Variants in GRM7 observed in about 807,000 individuals in gnomAD.
GRM7 encodes glutamate metabotropic receptor 7.
Under a neutral mutation model 84.5 loss-of-function variants are expected in GRM7, and 35 were observed. The observed-to-expected ratio is 0.41, with a 90% CI of 0.32 to 0.55. The LOEUF (loss-of-function observed/expected upper bound fraction) is 0.55. GRM7 is among the 20% of genes least tolerant of loss of function. GRM7 has a pLI of 0.19. For missense variants in GRM7, 1,003 were observed against 1,194.6 expected (o/e 0.84, Z 2.36); for synonymous variants, 487 against 455.1 (o/e 1.07, Z -0.89).
At chr3:7,371,447 C>T (rs1035996685) in intron 4 of GRM7, among the ~76,000 whole-genome samples, 15 of 152,044 alleles carry the variant, frequency 9.9e-5, no homozygotes, top group African/African-American at 3.6e-4. Flanking sequence ...AGATGGTTTA[C>T]AAAACTTAGG....
At chr3:7,176,934 T>G (rs927440489) in intron 2 of GRM7, among the ~76,000 whole-genome samples, 2 of 152,230 alleles carry the variant, frequency 1.3e-5, no homozygotes, top group Admixed American at 1.3e-4. Context: ...TTAACCTTCA[T>G]GTGAAGCGGA....
intron 8 of GRM7, among the ~76,000 whole-genome samples, chr3:7,619,210 T>C (rs1472219185): frequency 6.6e-6 from 1 of 152,152 alleles, no homozygotes; most frequent in African/African-American, 2.4e-5. Flanking sequence ...GACAAGTTTC[T>C]CCTCTCTAGT....
At chr3:7,399,268 G>A (rs765188339) in intron 4 of GRM7, among the ~76,000 whole-genome samples, 2 of 151,950 alleles carry the variant, frequency 1.3e-5, no homozygotes, top group African/African-American at 4.8e-5. Context: ...CTAAGCTCTA[G>A]ATCCAATCAC....
At chr3:7,564,353 A>C (rs1472070344) in intron 7 of GRM7, among the ~76,000 whole-genome samples, 2 of 152,164 alleles carry the variant, frequency 1.3e-5, no homozygotes, top group Non-Finnish European at 2.9e-5. Flanking sequence ...AGGTTTCAAG[A>C]GCTTAAATGA....
At chr3:7,325,739 A>G (rs142465287) in intron 4 of GRM7, among the ~76,000 whole-genome samples, 239 of 152,306 alleles carry the variant, frequency 1.6e-3, no homozygotes, top group African/African-American at 5.4e-3. Context: ...GCATCTCTAT[A>G]TATTGAGTCT....
chr3:7,313,187 C>A (rs185560577), intron 4 of GRM7, among the ~76,000 whole-genome samples: 10 of 152,240 alleles, frequency 6.6e-5, no homozygotes, highest in Admixed American at 1.3e-4. Context: ...CCTCAGCCCC[C>A]CAAAGTGCTG....
intron 7 of GRM7, among the ~76,000 whole-genome samples, chr3:7,545,508 G>T (rs1693105681): frequency 6.6e-6 from 1 of 152,204 alleles, no homozygotes; most frequent in South Asian, 2.1e-4. Context: ...GTAGGCAAAA[G>T]AGAAAGCAAC....
chr3:7,282,014 C>T (rs967206352), intron 2 of GRM7, among the ~76,000 whole-genome samples: 15 of 152,198 alleles, frequency 9.9e-5, no homozygotes, highest in African/African-American at 2.6e-4. Context: ...ACCCAAGAGA[C>T]GGAGGTTGCA....
intron 7 of GRM7, among the ~76,000 whole-genome samples, chr3:7,546,251 T>C (rs567211485): frequency 1.3e-5 from 2 of 152,194 alleles, no homozygotes; most frequent in East Asian, 3.8e-4. Flanking sequence ...AGAGTCACCA[T>C]CTGCATTCTA....
At chr3:7,311,449 G>A (rs1442125643) in intron 4 of GRM7, among the ~76,000 whole-genome samples, 1 of 150,936 alleles carries the variant, frequency 6.6e-6, no homozygotes, top group Non-Finnish European at 1.5e-5. Flanking sequence ...GCAACAGATA[G>A]ACTCTCAATG....
At chr3:6,990,707 G>C (rs969540463) in intron 1 of GRM7, among the ~76,000 whole-genome samples, 2 of 152,022 alleles carry the variant, frequency 1.3e-5, no homozygotes, top group African/African-American at 4.8e-5. Flanking sequence ...TTCTCTTCAT[G>C]ATCTGCCATA....
Position 7,668,464 on chromosome 3 carries a change from T to C in GRM7, c.2452-11585T>C, listed in dbSNP as rs1443907507. On this transcript the variant is annotated intron_variant, in intron 8 of 9. Transcript: ENST00000357716. ...ACTCTCTCTCCTCCTCCTCCCTTTC[T>C]CTCTCTCTCTTTTACGCACATGTAC... 2.0e-5 allele frequency among the ~76,000 whole-genome samples: 3 copies of C among 152,114 alleles called. No individual in the cohort carries two copies. In the South Asian group the frequency reaches 6.2e-4, roughly 32 times the overall value.
chr3:7,336,929 A>G (rs1223610197), intron 4 of GRM7, among the ~76,000 whole-genome samples: 2 of 152,158 alleles, frequency 1.3e-5, no homozygotes, highest in Non-Finnish European at 2.9e-5. Context: ...TTCCATGGTC[A>G]TGAATGGGTA....
intron 8 of GRM7, among the ~76,000 whole-genome samples, chr3:7,589,814 T>C (rs56152247): frequency 0.024 from 3,602 of 152,292 alleles, 118 homozygotes; most frequent in African/African-American, 0.077. Context: ...AGCACCAGTG[T>C]CTATAACAGG....
At chr3:7,575,265 C>T (rs1403282703) in intron 7 of GRM7, among the ~76,000 whole-genome samples, 1 of 152,142 alleles carries the variant, frequency 6.6e-6, no homozygotes, top group Non-Finnish European at 1.5e-5. Context: ...AAGGAAAATG[C>T]ATCTTTATGG....
At chr3:6,873,134 C>T (rs1333133230) in intron 1 of GRM7, among the ~76,000 whole-genome samples, 7 of 152,108 alleles carry the variant, frequency 4.6e-5, no homozygotes, top group South Asian at 2.1e-4. Context: ...TGCAGTGGCG[C>T]GATCTCGGCT....
intron 9 of GRM7, among the ~76,000 whole-genome samples, chr3:7,693,088 A>G (rs1374409033): frequency 1.6e-4 from 24 of 152,030 alleles, no homozygotes; most frequent in Admixed American, 1.5e-3. Flanking sequence ...CTGTTATACA[A>G]AGAACATGGT....
chr3:7,651,678 C>T (rs1012554431), intron 8 of GRM7, among the ~76,000 whole-genome samples: 3 of 152,220 alleles, frequency 2.0e-5, no homozygotes, highest in Admixed American at 6.5e-5. Flanking sequence ...CCAAAGAGGT[C>T]CTCTTCTCTG....
chr3:7,044,950 G>A (rs1696750359), intron 1 of GRM7, among the ~76,000 whole-genome samples: 1 of 152,182 alleles, frequency 6.6e-6, no homozygotes, highest in Non-Finnish European at 1.5e-5. Flanking sequence ...CTTTAGAGGT[G>A]AAATTAGTTA....
Sources: gnomAD v4.1 joint callset for allele counts (sites outside exome capture counted in the v4.1 genomes callset) on GRCh38, gnomAD v4.1.1 for gene constraint, MANE v1.5 for transcripts, NCBI Gene and HGNC (gene_info 2026-07-23, HGNC 2026-07-21) for gene names.